Variants in TANC2 observed in about 807,000 individuals in gnomAD.
TANC2 encodes protein TANC2.
TANC2 carries 26 observed loss-of-function variants against 210.5 expected under a neutral mutation model. That is an observed-to-expected ratio of 0.12 (90% confidence interval 0.09 to 0.17). The LOEUF is 0.17. Ranked by LOEUF, TANC2 falls within the 10% of genes least tolerant of loss-of-function variation. The pLI is 1.00. For synonymous variants in TANC2, 931 were observed against 967.1 expected, an observed-to-expected ratio of 0.96 and a Z score of 0.69; for missense variants, 2,129 against 2,608.9, an observed-to-expected ratio of 0.82 and a Z score of 4.01.
chr17:63,181,048 AAAAG>A (rs1232465953), intron 5 of TANC2, among the ~76,000 whole-genome samples: 7 of 150,938 alleles, frequency 4.6e-5, no homozygotes, highest in Non-Finnish European at 1.0e-4. Context: ...AAAAAAAAAA[AAAAG>A]AGTAGGCATA....
intron 17 of TANC2, chr17:63,393,591 T>C (rs2048049407): frequency 6.6e-6 from 1 of 152,180 alleles, no homozygotes; most frequent in African/African-American, 2.4e-5. Context: ...GCATCTAAGG[T>C]AATGTCTTCC....
At chr17:63,221,646 CAA>C (rs796867911) in intron 7 of TANC2, among the ~76,000 whole-genome samples, 12 of 152,154 alleles carry the variant, frequency 7.9e-5, no homozygotes, top group African/African-American at 1.9e-4. Context: ...ATATGAATAA[CAA>C]GAGATAGATG....
At chr17:63,256,378 T>C (rs1411669572) in intron 8 of TANC2, among the ~76,000 whole-genome samples, 1 of 152,214 alleles carries the variant, frequency 6.6e-6, no homozygotes, top group Non-Finnish European at 1.5e-5. Flanking sequence ...GAGGAGCATA[T>C]TGTTTAATTT....
intron 9 of TANC2, among the ~76,000 whole-genome samples, chr17:63,287,292 G>A (rs934766002): frequency 6.6e-6 from 1 of 151,964 alleles, no homozygotes; most frequent in Non-Finnish European, 1.5e-5. Flanking sequence ...TAGCTTCCTT[G>A]TTCATACCTT....
chr17:63,010,795 G>C (rs1202462739), intron 2 of TANC2, among the ~76,000 whole-genome samples: 3 of 152,088 alleles, frequency 2.0e-5, no homozygotes, highest in Non-Finnish European at 4.4e-5. Context: ...TACAGTTCAG[G>C]AACAGTGAGA....
At chr17:62,990,065 C>T (rs762059263) in intron 1 of TANC2, among the ~76,000 whole-genome samples, 1 of 152,122 alleles carries the variant, frequency 6.6e-6, no homozygotes, top group Non-Finnish European at 1.5e-5. Context: ...GCATGAGCCA[C>T]TGCACCCGGC....
At chr17:63,237,652 G>A (rs753466963) in intron 7 of TANC2, among the ~76,000 whole-genome samples, 162 bp from the exon 8 acceptor site, 14 of 152,086 alleles carry the variant, frequency 9.2e-5, no homozygotes, top group Non-Finnish European at 1.6e-4. Flanking sequence ...GTGAGAGATA[G>A]GGGTCCAGTT....
chr17:63,374,401 A>G (rs1388792512), intron 14 of TANC2, among the ~76,000 whole-genome samples: 1 of 152,186 alleles, frequency 6.6e-6, no homozygotes, highest in African/African-American at 2.4e-5. Flanking sequence ...TTCTGCAAAT[A>G]TATACCCCTA....
chr17:63,107,081 G>A (rs558595425), intron 4 of TANC2, among the ~76,000 whole-genome samples: 1 of 151,638 alleles, frequency 6.6e-6, no homozygotes, highest in East Asian at 1.9e-4. Context: ...TTTCATTTCT[G>A]TCAGGTTAGA....
chr17:63,035,490 A>T (rs1253961743), intron 2 of TANC2, among the ~76,000 whole-genome samples: 2 of 152,212 alleles, frequency 1.3e-5, no homozygotes, highest in Non-Finnish European at 2.9e-5. Flanking sequence ...TTCACTTGGC[A>T]TAATGCCTTT....
intron 1 of TANC2, among the ~76,000 whole-genome samples, chr17:62,969,701 G>T (rs2143203768): frequency 6.6e-6 from 1 of 151,492 alleles, no homozygotes; most frequent in East Asian, 1.9e-4. Flanking sequence ...TAGTGTGTGT[G>T]TGTGTGTGTG....
chr17:63,395,348 T>G (rs1012542861), intron 17 of TANC2, among the ~76,000 whole-genome samples: 1 of 152,234 alleles, frequency 6.6e-6, no homozygotes, highest in East Asian at 1.9e-4. Context: ...TTTTCTTCCC[T>G]TTTTTGATTT....
At chr17:63,282,300 TAC>T (rs2044082240) in intron 9 of TANC2, among the ~76,000 whole-genome samples, 1 of 152,046 alleles carries the variant, frequency 6.6e-6, no homozygotes, top group African/African-American at 2.4e-5. Flanking sequence ...GAGATATCAC[TAC>T]ACATTCTACA....
rs187482680 is a variant in TANC2, at chr17:63,284,699, A to G, written c.1159+16826A>G. ...TGTCTTCATAAATGTTTCATATGCA[A>G]TTGAAAAGAATTTGCTATTTTACAG... On this transcript the variant is annotated intron_variant, in intron 9 of 27. Transcript: ENST00000689528. 1.9e-3 allele frequency among the ~76,000 whole-genome samples: 285 copies of G among 152,184 alleles called. 1 individual carries two copies. The highest frequency in any genetic ancestry group is 6.6e-3 in the African/African-American group (274 of 41,572).
In TANC2 at chr17:63,318,895, G is replaced by A. The variant is rs556305991; in HGVS notation, c.1442-62G>A. 4 of 1,569,626 alleles carry A rather than the reference G, an allele frequency of 2.5e-6. No individual in the cohort carries two copies. In the Admixed American group the frequency reaches 5.1e-5, roughly 20 times the overall value. On this transcript the variant is annotated intron_variant, in intron 10 of 27. Transcript: ENST00000689528. ...TAGATCATAGAACAAATGGAATTTA[G>A]CCATTTTTCCTTAAAGTTTTTATGA...
chr17:63,415,772 C>T, intron 26 of TANC2, 98 bp downstream of exon 26: 4 of 1,449,910 alleles, frequency 2.8e-6, no homozygotes, highest in Non-Finnish European at 3.7e-6. Flanking sequence ...CCTCCTCTGC[C>T]CCATTTGGAA....
At chr17:62,973,327 C>T (rs958616295) in intron 1 of TANC2, among the ~76,000 whole-genome samples, 5 of 152,190 alleles carry the variant, frequency 3.3e-5, no homozygotes, top group South Asian at 2.1e-4. Context: ...CCACCATACC[C>T]GGCCGTAACA....
chr17:63,195,463 CT>C (rs1263737973), intron 6 of TANC2, among the ~76,000 whole-genome samples: 1 of 152,170 alleles, frequency 6.6e-6, no homozygotes, highest in Non-Finnish European at 1.5e-5. Flanking sequence ...AAAATATGTA[CT>C]CAATCTGATC....
intron 3 of TANC2, 44 bp from the exon 4 acceptor site, chr17:63,099,131 G>T (rs1251451891): frequency 6.4e-7 from 1 of 1,571,734 alleles, no homozygotes; most frequent in Non-Finnish European, 8.7e-7. Flanking sequence ...AGGGAAGGCA[G>T]GATCTTTTCT....
Sources: allele counts gnomAD v4.1 joint callset (sites outside exome capture counted in the v4.1 genomes callset), GRCh38; gene constraint gnomAD v4.1.1; transcripts MANE v1.5; gene names NCBI Gene and HGNC (gene_info 2026-07-23, HGNC 2026-07-21).